NFXL1: variants seen among roughly 807,000 people sequenced by gnomAD.
The protein encoded by NFXL1 is NF-X1-type zinc finger protein NFXL1.
In NFXL1, 66 loss-of-function variants were observed where a neutral mutation model predicts 123.3. That is an observed-to-expected ratio of 0.54 (90% CI 0.44 to 0.66). The LOEUF is 0.66. Among genes scored for constraint, NFXL1 ranks in the 30% least tolerant of loss-of-function variants. NFXL1 has a pLI of 0.00. For missense variants in NFXL1, 944 were observed against 1,125.6 expected (o/e 0.84, Z 2.31); for synonymous variants, 346 against 360.8 (o/e 0.96, Z 0.46).
At chr4:47,912,116 T>C (rs1475490181) in intron 2 of NFXL1, among the ~76,000 whole-genome samples, 1 of 152,138 alleles carries the variant, frequency 6.6e-6, no homozygotes, top group African/African-American at 2.4e-5. Flanking sequence ...ACAAAACAAA[T>C]TGAGTATTTC....
intron 2 of NFXL1, 59 bp from the exon 3 acceptor site, chr4:47,911,053 A>G (rs1021957038): frequency 3.2e-6 from 3 of 948,192 alleles, no homozygotes; most frequent in Admixed American, 3.1e-5. Context: ...GAAAAGCATA[A>G]TGTGCTAATA....
intron 19 of NFXL1, among the ~76,000 whole-genome samples, chr4:47,857,503 A>G (rs922297720): frequency 1.3e-5 from 2 of 152,184 alleles, no homozygotes; most frequent in African/African-American, 2.4e-5. Flanking sequence ...TCTTGATGTT[A>G]TATCTTTCTG....
At chr4:47,896,925 TAA>T (rs1339765467) in intron 9 of NFXL1, among the ~76,000 whole-genome samples, 1 of 152,154 alleles carries the variant, frequency 6.6e-6, no homozygotes, top group Non-Finnish European at 1.5e-5. Context: ...AAGAAATGAG[TAA>T]AGACTACATA....
chr4:47,896,830 T>TG, intron 9 of NFXL1, 183 bp from the exon 10 acceptor site: 1 of 520,442 alleles, frequency 1.9e-6, no homozygotes, highest in Non-Finnish European at 3.4e-6. Flanking sequence ...GTGAAGTTTA[T>TG]GGTTTTTAAA....
At chr4:47,857,777 C>G (rs1288545887) in intron 19 of NFXL1, among the ~76,000 whole-genome samples, 3 of 152,058 alleles carry the variant, frequency 2.0e-5, no homozygotes, top group Non-Finnish European at 4.4e-5. Flanking sequence ...CCAAAAGGAG[C>G]CCTTGGATCC....
Position 47,903,330 on chromosome 4 carries a change from C to T in NFXL1, c.517-7G>A, listed in dbSNP as rs1489711947. ...ATCCCGAACAGCTCCAAACCTAAGACAAATGTATCAGAAGTTAATATATGT... is the reference window on the plus strand; with the variant it reads ...ATCCCGAACAGCTCCAAACCTAAGATAAATGTATCAGAAGTTAATATATGT... On this transcript the variant is annotated splice_polypyrimidine_tract_variant and splice_region_variant and intron_variant, in intron 4 of 22. Transcript: ENST00000507489. 2.0e-6 allele frequency: 3 copies of T among 1,503,850 alleles called. No homozygotes were observed. Among genetic ancestry groups the T allele is most frequent in the Non-Finnish European group, 8.9e-7 (1 of 1,129,170 alleles). The allele number at this position is 1,503,850 out of a possible 1,614,324, so 93.2% of individuals were successfully genotyped here.
rs758589128 is a variant in NFXL1, at chr4:47,894,239, G to A, written c.1393C>T (p.Leu465=). The A allele has an allele frequency of 1.9e-6, 3 of 1,606,522 alleles. No individual in the cohort carries two copies. The highest frequency in any genetic ancestry group is 1.1e-5 in the South Asian group (1 of 90,288). ...ATCTTAACACACTTAGTTTCACACA[G>A]ATAAGGTTTATGACAAGGCATTCGT... The part of the protein sequence containing the change: ...TKRMPCHKPY[L]CETKCVKMRD... The change falls in exon 11 of 23, where the codon CTG becomes TTG. Residue 465 remains leucine (L), a synonymous_variant. Transcript: ENST00000507489.
At chr4:47,872,745 T>TA (rs1251958154) in intron 18 of NFXL1, among the ~76,000 whole-genome samples, 2 of 152,200 alleles carry the variant, frequency 1.3e-5, no homozygotes, top group Non-Finnish European at 2.9e-5. Flanking sequence ...CAGTCAGTCT[T>TA]AATGTTTTCA....
rs576536847 is a variant in NFXL1 at position 47,878,424 on chromosome 4, C to A, written c.2079+101G>T. 190 of 901,462 alleles carry A rather than the reference C, an allele frequency of 2.1e-4. No homozygotes were observed. In the African/African-American group the frequency reaches 2.9e-3, roughly 14 times the overall value. The allele number at this position is 901,462 out of a possible 1,614,324, so 55.8% of individuals were successfully genotyped here. A position where few individuals can be genotyped will look rare whatever the true frequency, so the allele number is the denominator to read the frequency against. On this transcript the variant is annotated intron_variant, in intron 17 of 22. Transcript: ENST00000507489. ...GAAGGGATGAGGGCAAAAAAAGAGA[C>A]AGGAAGCTAAAGCAAAACAGAAAAA... is the stretch of plus-strand genomic sequence containing the variant.
chr4:47,852,057 A>C, intron 20 of NFXL1, 115 bp from the exon 21 acceptor site: 1 of 609,924 alleles, frequency 1.6e-6, no homozygotes, highest in Non-Finnish European at 2.9e-6. Context: ...TTGATGTCTT[A>C]ATATTTAATG....
intron 18 of NFXL1, among the ~76,000 whole-genome samples, chr4:47,870,979 T>C (rs1735394130): frequency 6.6e-6 from 1 of 152,244 alleles, no homozygotes; most frequent in Admixed American, 6.5e-5. Context: ...CACTGGTTCA[T>C]GCCAGTATTA....
At chr4:47,870,080 C>T (rs1735336932) in intron 18 of NFXL1, among the ~76,000 whole-genome samples, 1 of 151,956 alleles carries the variant, frequency 6.6e-6, no homozygotes, top group South Asian at 2.1e-4. Context: ...ACATCAGGCC[C>T]AGATGGTTTC....
intron 19 of NFXL1, among the ~76,000 whole-genome samples, chr4:47,859,710 C>T (rs542426049): frequency 6.6e-6 from 1 of 151,418 alleles, no homozygotes; most frequent in African/African-American, 2.4e-5. Flanking sequence ...GGCGTAGTGG[C>T]GGGCGCCTGT....
At chr4:47,878,870 T>TA (rs1314874495) in intron 16 of NFXL1, among the ~76,000 whole-genome samples, 1 of 152,102 alleles carries the variant, frequency 6.6e-6, no homozygotes, top group African/African-American at 2.4e-5. Context: ...GTTCTCCTCC[T>TA]AAAAGGAAAA....
At chr4:47,886,054 A>C in intron 12 of NFXL1, 55 bp from the exon 13 acceptor site, 1 of 1,522,186 alleles carries the variant, frequency 6.6e-7, no homozygotes, top group Non-Finnish European at 9.0e-7. Context: ...AATGCCTATT[A>C]ATGGTAAAAT....
intron 19 of NFXL1, among the ~76,000 whole-genome samples, chr4:47,860,616 T>C (rs1335232116): frequency 6.6e-6 from 1 of 152,190 alleles, no homozygotes; most frequent in Non-Finnish European, 1.5e-5. Context: ...ATCTACAGTA[T>C]GGGAAAGAAA....
In NFXL1 at chr4:47,875,253, T is replaced by C; in HGVS notation, c.2120A>G (p.Lys707Arg). 6.2e-7 allele frequency: 1 copy of C among 1,613,468 alleles called. No homozygotes were observed. The highest frequency in any genetic ancestry group is 8.5e-7 in the Non-Finnish European group (1 of 1,179,596). ...ECLHCEEGCS[K>R]SRPLGCLHPC... is the part of the protein sequence containing the mutation. The stretch of plus-strand genomic sequence containing the variant: ...GTGAAGACAACCTAGTGGCCGTGAC[T>C]TGGAGCACCCTTCCTCACAATGAAG... Residue 707 changes from lysine (K) to arginine (R), a missense_variant, in exon 18 of 23, where the codon AAG becomes AGG. Physicochemically the swap from Lys to Arg is conservative, Grantham distance 26. Coordinates refer to ENST00000507489, the MANE Select transcript of NFXL1 (RefSeq NM_001278624.2).
chr4:47,892,034 G>C (rs933629981), intron 11 of NFXL1, among the ~76,000 whole-genome samples: 1 of 152,166 alleles, frequency 6.6e-6, no homozygotes, highest in South Asian at 2.1e-4. Context: ...TGGGGGAAAA[G>C]ATTATGTGGT....
intron 19 of NFXL1, 48 bp downstream of exon 19, chr4:47,862,798 G>T: frequency 9.6e-7 from 1 of 1,044,084 alleles, no homozygotes; most frequent in Non-Finnish European, 1.4e-6. Context: ...AAATCCAAGA[G>T]AAACAATGCC....
Sources: allele counts gnomAD v4.1 joint callset (sites outside exome capture counted in the v4.1 genomes callset), GRCh38; gene constraint gnomAD v4.1.1; transcripts MANE v1.5; gene names NCBI Gene and HGNC (gene_info 2026-07-23, HGNC 2026-07-21).